MCF2: variants seen among roughly 807,000 people sequenced by gnomAD.
The protein encoded by MCF2 is proto-oncogene DBL.
In MCF2, 44 loss-of-function variants were observed where a neutral mutation model predicts 82.5. That is an observed-to-expected ratio of 0.53 (90% CI 0.42 to 0.69). The LOEUF is 0.69. MCF2 is among the 30% of genes least tolerant of loss of function. The pLI, the probability that MCF2 is intolerant of heterozygous loss-of-function variation, is 0.00. For missense variants in MCF2, 623 were observed against 663.1 expected (o/e 0.94, Z 0.66); for synonymous variants, 217 against 224.9 (o/e 0.96, Z 0.32).
chrX:139,607,639 G>T, intron 12 of MCF2, 52 bp downstream of exon 16: 1 of 886,588 alleles, frequency 1.1e-6, no homozygotes, highest in Non-Finnish European at 1.6e-6. Context: ...CACTGAACCA[G>T]ACTCCCACAG....
intron 22 of MCF2, among the ~76,000 whole-genome samples, chrX:139,587,511 G>T (rs144247228): frequency 9.0e-6 from 1 of 111,583 alleles, no homozygotes; most frequent in East Asian, 2.8e-4. Flanking sequence ...ATCATGTTTA[G>T]AAATCAACCC....
At chrX:139,626,077 C>CT (rs768442309) in intron 6 of MCF2, 116 bp downstream of exon 9, 17 of 381,290 alleles carry the variant, frequency 4.5e-5, no homozygotes, top group South Asian at 2.4e-4. Flanking sequence ...CATTTGCCTC[C>CT]TTTTTTTTCT....
intron 6 of MCF2, among the ~76,000 whole-genome samples, chrX:139,621,849 CA>C (rs1384251187): frequency 1.2e-4 from 13 of 111,336 alleles, no homozygotes; most frequent in African/African-American, 3.9e-4. Flanking sequence ...ACACCGAAAG[CA>C]ATGGCAACAA....
At chrX:139,588,477 A>G (rs376597482) in intron 20 of MCF2, 39 bp from the exon 25 acceptor site, 82 of 871,804 alleles carry the variant, frequency 9.4e-5, no homozygotes, top group East Asian at 1.2e-4. Flanking sequence ...GGTGGTACAC[A>G]TTTCCTTTTA....
chrX:139,632,244 A>G, intron 2 of MCF2, 91 bp downstream of exon 5: 2 of 716,570 alleles, frequency 2.8e-6, no homozygotes, highest in South Asian at 1.1e-4. Context: ...TTTCTTTTAA[A>G]TGACACATGG....
At chrX:139,638,885 G>A in intron 1 of MCF2, among the ~76,000 whole-genome samples, 1 of 111,431 alleles carries the variant, frequency 9.0e-6, no homozygotes, top group Middle Eastern at 4.7e-3. Context: ...ATACATTTAA[G>A]ATTAGTTTGT....
At chrX:139,596,904 G>T (rs1231210069) in intron 18 of MCF2, 134 bp from the exon 23 acceptor site, 1 of 476,296 alleles carries the variant, frequency 2.1e-6, no homozygotes, top group Middle Eastern at 5.0e-4. Flanking sequence ...ACTTAACTTT[G>T]TATGTTAAAA....
intron 20 of MCF2, among the ~76,000 whole-genome samples, chrX:139,589,106 C>T (rs757011946): frequency 9.0e-6 from 1 of 111,074 alleles, no homozygotes; most frequent in South Asian, 3.8e-4. Flanking sequence ...CTGAAAAGGC[C>T]ATCTATTGCA....
intron 1 of MCF2, among the ~76,000 whole-genome samples, chrX:139,694,132 A>G (rs1425297079): frequency 8.9e-6 from 1 of 111,945 alleles, no homozygotes; most frequent in African/African-American, 3.2e-5. Flanking sequence ...TACAGTGAGC[A>G]ACTGTTATTT....
intron 24 of MCF2, among the ~76,000 whole-genome samples, chrX:139,584,134 T>TG (rs1928726298): frequency 1.1e-5 from 1 of 92,686 alleles, no homozygotes; most frequent in African/African-American, 4.1e-5. Flanking sequence ...TATCCTTTTT[T>TG]TTTTTTTTTT....
At chrX:139,624,576 T>C (rs1339442084) in intron 6 of MCF2, among the ~76,000 whole-genome samples, 3 of 106,350 alleles carry the variant, frequency 2.8e-5, no homozygotes, top group Non-Finnish European at 5.8e-5. Flanking sequence ...GTCAGAGTCA[T>C]AAAAGACAAA....
exon 25 of MCF2, chrX:139,582,151 A>G: frequency 3.2e-6 from 1 of 315,191 alleles, no homozygotes; most frequent in South Asian, 5.9e-5. Flanking sequence ...AATAAACTAA[A>G]TAATCCAAGG....
chrX:139,583,371 G>T (rs1367671153), intron 24 of MCF2, among the ~76,000 whole-genome samples: 2 of 111,271 alleles, frequency 1.8e-5, no homozygotes, highest in Non-Finnish European at 3.8e-5. Flanking sequence ...TTATCACATG[G>T]TAAATATCAA....
intron 1 of MCF2, among the ~76,000 whole-genome samples, chrX:139,667,537 C>G (rs1193622506): frequency 8.9e-6 from 1 of 111,752 alleles, no homozygotes; most frequent in Admixed American, 9.5e-5. Flanking sequence ...CATCCAGCCC[C>G]TAGGAGGAAT....
chrX:139,645,375 T>C (rs761452506), upstream of MCF2, among the ~76,000 whole-genome samples: 51 of 111,281 alleles, frequency 4.6e-4, no homozygotes, highest in African/African-American at 1.6e-3. Flanking sequence ...TACTCACTCA[T>C]TCTTACTAGG....
chrX:139,624,548 G>A (rs918304578), intron 6 of MCF2, among the ~76,000 whole-genome samples: 1 of 108,369 alleles, frequency 9.2e-6, no homozygotes, highest in Non-Finnish European at 1.9e-5. Context: ...AAAAAAAAAG[G>A]ACTATATTCT....
intron 19 of MCF2, among the ~76,000 whole-genome samples, chrX:139,595,269 C>T (rs1929956399): frequency 9.1e-6 from 1 of 109,373 alleles, no homozygotes; most frequent in African/African-American, 3.4e-5. Flanking sequence ...TATAAAGACA[C>T]ATGCACACAT....
intron 1 of MCF2, among the ~76,000 whole-genome samples, chrX:139,657,322 C>G (rs1263968559): frequency 1.8e-5 from 2 of 111,469 alleles, no homozygotes; most frequent in African/African-American, 6.5e-5. Context: ...CTTAGAAATC[C>G]AAATATGAAT....
chrX:139,616,752 T>C (rs1931946548), intron 8 of MCF2, among the ~76,000 whole-genome samples: 1 of 111,343 alleles, frequency 9.0e-6, no homozygotes, highest in Non-Finnish European at 1.9e-5. Flanking sequence ...CAACAACTAA[T>C]TTATTCTGCA....
Sources: gnomAD v4.1 joint callset for allele counts (sites outside exome capture counted in the v4.1 genomes callset) on GRCh38, gnomAD v4.1.1 for gene constraint, MANE v1.5 for transcripts, NCBI Gene and HGNC (gene_info 2026-07-23, HGNC 2026-07-21) for gene names.